Variants in UBE2H observed in about 807,000 individuals in gnomAD.
UBE2H encodes ubiquitin-conjugating enzyme E2 H.
UBE2H carries 3 observed loss-of-function variants against 29.0 expected under a neutral mutation model. The ratio of observed to expected loss-of-function variants is 0.10; its 90% CI spans 0.05 to 0.27. UBE2H has a LOEUF of 0.27. Ranked by LOEUF, UBE2H falls within the 10% of genes least tolerant of loss-of-function variation. UBE2H has a pLI of 1.00. For synonymous variants in UBE2H, 69 were observed against 82.9 expected, an observed-to-expected ratio of 0.83 and a Z score of 0.91; for missense variants, 68 against 228.2, an observed-to-expected ratio of 0.30 and a Z score of 4.52.
chr7:129,949,843 G>T (rs1434765446), intron 1 of UBE2H, among the ~76,000 whole-genome samples: 1 of 152,124 alleles, frequency 6.6e-6, no homozygotes, highest in African/African-American at 2.4e-5. Context: ...TCCAAAAATG[G>T]GCTGAAACAG....
In UBE2H at chr7:129,847,515, C is replaced by CT. The variant is rs558087514; in HGVS notation, c.299-8181dup. ...GATGACACAGTGAGACCCAGTCTCT[C>CT]TTTTTTTTTTTCCAGAGACAAGTTC... On this transcript the variant is annotated intron_variant, in intron 5 of 6. Coordinates refer to ENST00000355621, the MANE Select transcript of UBE2H (RefSeq NM_003344.4). Among the ~76,000 whole-genome samples the CT allele has an allele frequency of 6.0e-3, 892 of 147,560 alleles. 4 individuals carry two copies. Among genetic ancestry groups the CT allele is most frequent in the Admixed American group, 6.7e-3 (99 of 14,852 alleles).
At chr7:129,944,787 T>C (rs1312859190) in intron 1 of UBE2H, among the ~76,000 whole-genome samples, 1 of 150,054 alleles carries the variant, frequency 6.7e-6, no homozygotes, top group East Asian at 2.0e-4. Context: ...CCCTACCACA[T>C]GATCTAGCTT....
At chr7:129,848,380 C>A (rs572641532) in intron 5 of UBE2H, among the ~76,000 whole-genome samples, 30 of 152,308 alleles carry the variant, frequency 2.0e-4, no homozygotes, top group Admixed American at 1.0e-3. Flanking sequence ...CTTTCCAAGC[C>A]GAAAATCACA....
At chr7:129,881,734 C>T (rs1027259900) in intron 1 of UBE2H, among the ~76,000 whole-genome samples, 5 of 152,176 alleles carry the variant, frequency 3.3e-5, no homozygotes, top group African/African-American at 9.6e-5. Context: ...TCAATCTATC[C>T]CTAATGAGCC....
intron 1 of UBE2H, among the ~76,000 whole-genome samples, chr7:129,905,278 T>C (rs1584777655): frequency 6.6e-6 from 1 of 152,034 alleles, no homozygotes; most frequent in Middle Eastern, 3.4e-3. Flanking sequence ...ACATGAGGTT[T>C]CTGGTCACAA....
intron 1 of UBE2H, among the ~76,000 whole-genome samples, chr7:129,904,600 A>C (rs1806779524): frequency 6.6e-6 from 1 of 152,222 alleles, no homozygotes; most frequent in African/African-American, 2.4e-5. Flanking sequence ...TTCGACTTCC[A>C]AGAGGGCAAG....
At chr7:129,893,210 C>T (rs1207056814) in intron 1 of UBE2H, among the ~76,000 whole-genome samples, 2 of 152,164 alleles carry the variant, frequency 1.3e-5, no homozygotes, top group Non-Finnish European at 2.9e-5. Context: ...GGAAATTTTT[C>T]TTCTCTAGTG....
chr7:129,896,344 A>C (rs1806600738), intron 1 of UBE2H, among the ~76,000 whole-genome samples: 1 of 152,166 alleles, frequency 6.6e-6, no homozygotes, highest in Non-Finnish European at 1.5e-5. Flanking sequence ...CTCAAAAAAA[A>C]AACAAAATCT....
At position 129,834,700 on chromosome 7, in the gene UBE2H, T is replaced by C. The variant is rs1381736151; in HGVS notation, c.*237A>G. 6 of 423,394 alleles carry C rather than the reference T, an allele frequency of 1.4e-5. No individual in the cohort carries two copies. Among genetic ancestry groups the C allele is most frequent in the South Asian group, 7.1e-5 (2 of 28,154 alleles). The allele number at this position is 423,394 out of a possible 1,614,324, so 26.2% of individuals were successfully genotyped here. A position where few individuals can be genotyped will look rare whatever the true frequency, so the allele number is the denominator to read the frequency against. Reference sequence around the variant, plus strand: ...CCACATGGACTCATGAATGCATGCATTCAGACCGCATATTGCTACCAAATG... The same window carrying C: ...CCACATGGACTCATGAATGCATGCACTCAGACCGCATATTGCTACCAAATG... On this transcript the variant is annotated 3_prime_UTR_variant, in exon 7 of 7. Coordinates refer to ENST00000355621, the MANE Select transcript of UBE2H (RefSeq NM_003344.4).
At chr7:129,917,511 GAGACAATCAACT>G (rs1356769580) in intron 1 of UBE2H, among the ~76,000 whole-genome samples, 1 of 152,182 alleles carries the variant, frequency 6.6e-6, no homozygotes, top group Non-Finnish European at 1.5e-5. Context: ...CCATGAGGCT[GAGACAATCAACT>G]AGCCAGGGTT....
At chr7:129,933,957 G>C (rs532016577) in intron 1 of UBE2H, among the ~76,000 whole-genome samples, 1 of 152,162 alleles carries the variant, frequency 6.6e-6, no homozygotes, top group Non-Finnish European at 1.5e-5. Flanking sequence ...ACAAAAAGTG[G>C]GCCATAACAT....
At chr7:129,892,354 C>A (rs1043727285) in intron 1 of UBE2H, among the ~76,000 whole-genome samples, 1 of 152,034 alleles carries the variant, frequency 6.6e-6, no homozygotes, top group South Asian at 2.1e-4. Context: ...TGGGTTCAAG[C>A]GATTCTCCTT....
At chr7:129,861,719 C>T (rs1805806917) in intron 3 of UBE2H, among the ~76,000 whole-genome samples, 1 of 152,104 alleles carries the variant, frequency 6.6e-6, no homozygotes, top group Admixed American at 6.5e-5. Flanking sequence ...TGGTGAAACC[C>T]CATCTGTAAC....
intron 1 of UBE2H, among the ~76,000 whole-genome samples, chr7:129,919,005 G>C (rs967149308): frequency 1.3e-5 from 2 of 150,962 alleles, no homozygotes; most frequent in Non-Finnish European, 2.9e-5. Context: ...GATCACTTGA[G>C]CCCGAGAGGT....
chr7:129,927,277 C>A (rs1349752329), intron 1 of UBE2H, among the ~76,000 whole-genome samples: 3 of 152,180 alleles, frequency 2.0e-5, no homozygotes, highest in Non-Finnish European at 4.4e-5. Context: ...TGCGGTGGCT[C>A]ATGCCTGTAA....
At chr7:129,899,546 C>T (rs555396522) in intron 1 of UBE2H, among the ~76,000 whole-genome samples, 2 of 152,182 alleles carry the variant, frequency 1.3e-5, no homozygotes, top group East Asian at 1.9e-4. Context: ...CACAGGGATT[C>T]GCTCTACTGT....
At chr7:129,933,045 T>C (rs1807442155) in intron 1 of UBE2H, among the ~76,000 whole-genome samples, 1 of 152,196 alleles carries the variant, frequency 6.6e-6, no homozygotes, top group Non-Finnish European at 1.5e-5. Flanking sequence ...AAAGCTATAC[T>C]TATGTGTATA....
At chr7:129,860,656 C>CA (rs1805783204) in intron 3 of UBE2H, among the ~76,000 whole-genome samples, 1 of 151,238 alleles carries the variant, frequency 6.6e-6, no homozygotes, top group Admixed American at 6.6e-5. Flanking sequence ...CCTATACAGC[C>CA]AAGGGTAATG....
chr7:129,916,100 G>C (rs1220885173), intron 1 of UBE2H, among the ~76,000 whole-genome samples: 1 of 152,144 alleles, frequency 6.6e-6, no homozygotes, highest in African/African-American at 2.4e-5. Flanking sequence ...TCACATGCCT[G>C]CACTTGTTAA....
Sources: gnomAD v4.1 joint callset for allele counts (sites outside exome capture counted in the v4.1 genomes callset) on GRCh38, gnomAD v4.1.1 for gene constraint, MANE v1.5 for transcripts, NCBI Gene and HGNC (gene_info 2026-07-23, HGNC 2026-07-21) for gene names.